SYT1: variants seen among roughly 807,000 people sequenced by gnomAD.
The protein encoded by SYT1 is synaptotagmin-1.
In SYT1, 8 loss-of-function variants were observed where a neutral mutation model predicts 44.8. The ratio of observed to expected loss-of-function variants is 0.18; its 90% CI spans 0.10 to 0.32. The LOEUF is 0.32. Ranked by LOEUF, SYT1 falls within the 10% of genes least tolerant of loss-of-function variation. The pLI, the probability that SYT1 is intolerant of heterozygous loss-of-function variation, is 1.00. For missense variants in SYT1, 286 were observed against 509.3 expected (o/e 0.56, Z 4.22); for synonymous variants, 154 against 188.8 (o/e 0.82, Z 1.51).
At chr12:79,142,383 G>C (rs1869613384) in intron 3 of SYT1, among the ~76,000 whole-genome samples, 1 of 152,198 alleles carries the variant, frequency 6.6e-6, no homozygotes, top group Non-Finnish European at 1.5e-5. Flanking sequence ...TGGGGATGGA[G>C]CTTAATATAT....
intron 3 of SYT1, among the ~76,000 whole-genome samples, chr12:79,180,488 TAA>T (rs398116641): frequency 8.9e-4 from 21 of 23,694 alleles, no homozygotes; most frequent in Non-Finnish European, 7.8e-4. Context: ...TTTTTTTTTT[TAA>T]AAAAAGGAGT....
intron 4 of SYT1, among the ~76,000 whole-genome samples, chr12:79,285,572 T>C (rs1370034477): frequency 6.6e-6 from 1 of 152,170 alleles, no homozygotes; most frequent in Non-Finnish European, 1.5e-5. Context: ...GAGATGACAT[T>C]TGACATATCT....
At chr12:78,929,680 AT>A (rs1303610232) in intron 1 of SYT1, among the ~76,000 whole-genome samples, 1 of 152,068 alleles carries the variant, frequency 6.6e-6, no homozygotes. Flanking sequence ...ATCTAATCAT[AT>A]GACTTACTAG....
At chr12:78,895,046 TA>T (rs1163594988) in intron 1 of SYT1, among the ~76,000 whole-genome samples, 2 of 151,642 alleles carry the variant, frequency 1.3e-5, no homozygotes, top group Non-Finnish European at 3.0e-5. Context: ...ATTTGTTAAT[TA>T]AAAATTAGAT....
intron 9 of SYT1, among the ~76,000 whole-genome samples, chr12:79,442,795 C>G (rs549765055): frequency 2.0e-5 from 3 of 152,240 alleles, no homozygotes; most frequent in East Asian, 1.9e-4. Flanking sequence ...ACTAGATCAT[C>G]TGGAAAGTTT....
chr12:79,395,598 G>A (rs1472932481), intron 9 of SYT1, among the ~76,000 whole-genome samples: 1 of 152,022 alleles, frequency 6.6e-6, no homozygotes, highest in Non-Finnish European at 1.5e-5. Flanking sequence ...TGTTGCTCAG[G>A]CTGGTCTCAA....
At chr12:79,409,808 T>G (rs1477311695) in intron 9 of SYT1, among the ~76,000 whole-genome samples, 5 of 152,102 alleles carry the variant, frequency 3.3e-5, no homozygotes, top group Admixed American at 1.3e-4. Flanking sequence ...CCAGCGAGTT[T>G]CTCTGGGCTT....
intron 1 of SYT1, among the ~76,000 whole-genome samples, chr12:78,955,110 A>T (rs1458953578): frequency 3.9e-5 from 6 of 152,118 alleles, no homozygotes; most frequent in African/African-American, 1.4e-4. Flanking sequence ...CTATAAAAGA[A>T]TTTTTTGATG....
intron 9 of SYT1, among the ~76,000 whole-genome samples, chr12:79,436,453 G>A (rs1024928298): frequency 1.3e-5 from 2 of 152,086 alleles, no homozygotes; most frequent in Admixed American, 6.6e-5. Flanking sequence ...AGGAGCCCAC[G>A]GTCACTGTAG....
chr12:79,390,772 A>G (rs1036374238), intron 9 of SYT1, among the ~76,000 whole-genome samples: 23 of 152,192 alleles, frequency 1.5e-4, no homozygotes, highest in African/African-American at 5.3e-4. Flanking sequence ...TTTCTCATCT[A>G]GCATTGTTTA....
chr12:79,343,315 G>C (rs1882459638), intron 8 of SYT1, among the ~76,000 whole-genome samples: 1 of 152,150 alleles, frequency 6.6e-6, no homozygotes, highest in South Asian at 2.1e-4. Flanking sequence ...GAGAGACATG[G>C]CACATGTAGA....
At chr12:79,419,396 G>T (rs138763271) in intron 9 of SYT1, 116 of 429,316 alleles carry the variant, frequency 2.7e-4, no homozygotes, top group African/African-American at 2.3e-3. Flanking sequence ...AGTCATAGTG[G>T]TAAGCTCACA....
intron 3 of SYT1, among the ~76,000 whole-genome samples, chr12:79,183,264 G>C (rs148714868): frequency 1.3e-5 from 2 of 151,924 alleles, no homozygotes; most frequent in Non-Finnish European, 2.9e-5. Context: ...GCAGTGAGTG[G>C]TGCTGCATAG....
At chr12:78,911,887 C>T (rs1565713629) in intron 1 of SYT1, among the ~76,000 whole-genome samples, 1 of 151,930 alleles carries the variant, frequency 6.6e-6, no homozygotes, top group South Asian at 2.1e-4. Flanking sequence ...GGACTACCTA[C>T]TTTGTTAAAT....
rs575020235 is a variant in SYT1, at chr12:79,322,385, T to A, written c.810+22834T>A. 1.6e-3 allele frequency among the ~76,000 whole-genome samples: 241 copies of A among 152,306 alleles called. 1 individual carries two copies. Among genetic ancestry groups the A allele is most frequent in the African/African-American group, 5.5e-3 (230 of 41,568 alleles). On this transcript the variant is annotated intron_variant, in intron 8 of 10. Transcript: ENST00000261205. The stretch of plus-strand genomic sequence containing the variant: ...AAAACTCTGAGATTTACCACTTACA[T>A]GCCTGCATCTGTTTGGATTAACTTT...
At chr12:79,262,992 G>C (rs1188821010) in intron 4 of SYT1, among the ~76,000 whole-genome samples, 2 of 152,178 alleles carry the variant, frequency 1.3e-5, no homozygotes, top group Admixed American at 6.5e-5. Context: ...TTGGAGCACA[G>C]GGTTCAGGTG....
chr12:79,335,313 C>T (rs148236233), intron 8 of SYT1, among the ~76,000 whole-genome samples: 25 of 151,820 alleles, frequency 1.6e-4, no homozygotes, highest in African/African-American at 6.0e-4. Context: ...TCTGTTTTTC[C>T]AGCCTTTCCT....
chr12:79,104,065 C>T (rs891630374), intron 3 of SYT1, among the ~76,000 whole-genome samples: 1 of 151,762 alleles, frequency 6.6e-6, no homozygotes, highest in African/African-American at 2.4e-5. Context: ...GCTGTTGTCA[C>T]TGGAAAATAG....
intron 2 of SYT1, among the ~76,000 whole-genome samples, chr12:78,991,096 A>C (rs11112192): frequency 0.046 from 7,007 of 152,300 alleles, 198 homozygotes; most frequent in Middle Eastern, 0.078. Context: ...ATGAATACAA[A>C]TGACATGAAA....
Sources: allele counts gnomAD v4.1 joint callset (sites outside exome capture counted in the v4.1 genomes callset), GRCh38; gene constraint gnomAD v4.1.1; transcripts MANE v1.5; gene names NCBI Gene and HGNC (gene_info 2026-07-23, HGNC 2026-07-21).